Variants in RNF130 observed in about 807,000 individuals in gnomAD.
RNF130 encodes E3 ubiquitin-protein ligase RNF130.
A neutral mutation model predicts 44.6 loss-of-function variants in RNF130; 21 were observed. That is an observed-to-expected ratio of 0.47 (90% CI 0.33 to 0.68). The LOEUF (loss-of-function observed/expected upper bound fraction) is 0.68. Among genes scored for constraint, RNF130 ranks in the 30% least tolerant of loss-of-function variants. The pLI, the probability that RNF130 is intolerant of heterozygous loss-of-function variation, is 0.02. For missense variants in RNF130, 479 were observed against 560.6 expected, an observed-to-expected ratio of 0.85 and a Z score of 1.47; for synonymous variants, 214 against 210.4, an observed-to-expected ratio of 1.02 and a Z score of -0.15.
At chr5:180,054,506 T>C (rs935372474) in intron 1 of RNF130, among the ~76,000 whole-genome samples, 2 of 152,180 alleles carry the variant, frequency 1.3e-5, no homozygotes, top group African/African-American at 2.4e-5. Context: ...CTGAAAAGAC[T>C]ATTCTTTCCC....
intron 6 of RNF130, among the ~76,000 whole-genome samples, chr5:179,969,396 C>T (rs1159267107): frequency 1.3e-5 from 2 of 151,760 alleles, no homozygotes; most frequent in East Asian, 3.9e-4. Flanking sequence ...AAACTTCAGG[C>T]TAAAGAACAT....
At chr5:180,035,906 C>T (rs1017481969) in intron 2 of RNF130, among the ~76,000 whole-genome samples, 10 of 152,152 alleles carry the variant, frequency 6.6e-5, no homozygotes, top group African/African-American at 1.9e-4. Context: ...TGACTCATTG[C>T]TGCCATTCAT....
downstream of RNF130, among the ~76,000 whole-genome samples, chr5:179,951,028 A>G (rs758721939): frequency 5.9e-5 from 9 of 152,180 alleles, no homozygotes; most frequent in African/African-American, 9.7e-5. Flanking sequence ...TCCACTCTAG[A>G]AAATAAGGCC....
In RNF130 at chr5:180,040,614, C is replaced by G. The variant is rs916169285; in HGVS notation, c.281G>C (p.Arg94Pro). The G allele has an allele frequency of 1.9e-6, 3 of 1,614,000 alleles. No individual in the cohort carries two copies. Among genetic ancestry groups the G allele is most frequent in the Non-Finnish European group, 2.5e-6 (3 of 1,179,952 alleles). ...ADHLGCDPQT[R>P]FFVPPNIKQW... ...TTTGATATTAGGAGGGACAAAGAACCGGGTTTGTGGATCACAGCCCAGATG... is the reference window on the plus strand; with the variant it reads ...TTTGATATTAGGAGGGACAAAGAACGGGGTTTGTGGATCACAGCCCAGATG... Residue 94 changes from arginine to proline, a missense_variant, in exon 2 of 9, where the codon CGG becomes CCG. Physicochemically the swap from Arg to Pro is moderately radical, Grantham distance 103 (BLOSUM62 -2). This residue lies in a region of RNF130 where 180 missense variants were observed against 275.1 expected (regional missense o/e 0.65). Coordinates refer to ENST00000521389, the MANE Select transcript of RNF130 (RefSeq NM_018434.6).
rs1221573434 is a variant in RNF130 at position 180,071,721 on chromosome 5, C to A, written c.-19G>T. ...AGCTCATCGTCCCTCCGGCAGCCGC[C>A]GCTGCTCGCGGACCGGGCTCCGGGG... On this transcript the variant is annotated 5_prime_UTR_variant, in exon 1 of 9. Coordinates refer to ENST00000521389, the MANE Select transcript of RNF130 (RefSeq NM_018434.6). 8 of 1,240,386 alleles carry A rather than the reference C, an allele frequency of 6.4e-6. No individual in the cohort carries two copies. The highest frequency in any genetic ancestry group is 3.1e-5 in the South Asian group (1 of 32,144). The allele number at this position is 1,240,386 out of a possible 1,614,324, so 76.8% of individuals were successfully genotyped here. A position where few individuals can be genotyped will look rare whatever the true frequency, so the allele number is the denominator to read the frequency against.
chr5:179,979,987 G>T, intron 4 of RNF130, 142 bp downstream of exon 4: 1 of 618,358 alleles, frequency 1.6e-6, no homozygotes, highest in Non-Finnish European at 2.8e-6. Flanking sequence ...TAAGAAGGTA[G>T]TTTAAAATAA....
chr5:180,013,534 T>C (rs937006526), intron 2 of RNF130, among the ~76,000 whole-genome samples: 7 of 152,184 alleles, frequency 4.6e-5, no homozygotes, highest in Non-Finnish European at 7.3e-5. Context: ...ACATAAGGCA[T>C]AGAACGACTG....
intron 2 of RNF130, among the ~76,000 whole-genome samples, chr5:180,033,133 C>A (rs1190406782): frequency 6.6e-6 from 1 of 151,890 alleles, no homozygotes. Context: ...ACTGCTACAC[C>A]CGGCTACTTT....
chr5:180,056,652 T>G (rs1237621761), intron 1 of RNF130, among the ~76,000 whole-genome samples: 1 of 152,176 alleles, frequency 6.6e-6, no homozygotes, highest in Non-Finnish European at 1.5e-5. Flanking sequence ...AAGACAATTC[T>G]TCCTCTCTTA....
At chr5:180,004,882 G>C (rs1040500141) in intron 3 of RNF130, among the ~76,000 whole-genome samples, 1 of 152,140 alleles carries the variant, frequency 6.6e-6, no homozygotes, top group Non-Finnish European at 1.5e-5. Flanking sequence ...CCAATGCAAA[G>C]TGCCTTGTAG....
chr5:180,019,383 C>T (rs998122698), intron 2 of RNF130, among the ~76,000 whole-genome samples: 1 of 111,830 alleles, frequency 8.9e-6, no homozygotes, highest in Non-Finnish European at 2.0e-5. Flanking sequence ...GACTCTGTCT[C>T]AAAAAAAAAA....
In RNF130 at chr5:179,920,950, G is replaced by T. The variant is rs576865906; in HGVS notation, c.1151-524C>A. Among the ~76,000 whole-genome samples, 176 of 151,854 alleles carry T rather than the reference G, an allele frequency of 1.2e-3. 1 individual carries two copies. The highest frequency in any genetic ancestry group is 4.0e-3 in the African/African-American group (167 of 41,386). ...ACTGAATTCCCACTGTGGAAGATGA[G>T]GATTTTCTCCTAACCCCCGCACCCA... On this transcript the variant is annotated intron_variant, in intron 7 of 7. Coordinates refer to the RNF130 transcript ENST00000522208.
chr5:179,992,378 G>A lies in RNF130; in HGVS notation c.694-12178C>T, dbSNP rs548476691. Among the ~76,000 whole-genome samples, 16 of 152,258 alleles carry A rather than the reference G, an allele frequency of 1.1e-4. No individual in the cohort carries two copies. In the South Asian group the frequency reaches 1.9e-3, roughly 18 times the overall value. On this transcript the variant is annotated intron_variant, in intron 3 of 8. Transcript: ENST00000521389. ...GGATGAGTCTCGATCTCCTGACCTC[G>A]TGATCCACCCACCTCATCCTCCCAA...
chr5:180,071,632 G>A lies in RNF130; in HGVS notation c.71C>T (p.Pro24Leu). The part of the protein sequence containing the change: ...ALALLTCSLW[P>L]ARADNASQEY... ...CTGGCTCGCGTTGTCTGCCCGTGCC[G>A]GCCACAGGCTGCAGGTCAGCAGGGC... Residue 24 changes from proline (P) to leucine (L), a missense_variant, in exon 1 of 9, where the codon CCG becomes CTG. Around this residue, in one of 3 missense-constraint regions of RNF130, gnomAD observed 138 missense variants for 126.9 expected, o/e 1.09. Transcript: ENST00000521389. 9 of 1,499,260 alleles carry A rather than the reference G, an allele frequency of 6.0e-6. No homozygotes were observed. Among genetic ancestry groups the A allele is most frequent in the Non-Finnish European group, 8.0e-6 (9 of 1,123,620 alleles). 92.9% of individuals were successfully genotyped at this position (1,499,260 alleles called of 1,614,324 possible). A position where few individuals can be genotyped will look rare whatever the true frequency, so the allele number is the denominator to read the frequency against.
intron 3 of RNF130, among the ~76,000 whole-genome samples, chr5:179,989,128 G>C (rs1184895182): frequency 2.6e-5 from 4 of 152,214 alleles, no homozygotes; most frequent in African/African-American, 9.6e-5. Context: ...GGCAGCAGGA[G>C]AGAGAATGAG....
At chr5:179,930,948 A>G (rs1316888266) in intron 7 of RNF130, among the ~76,000 whole-genome samples, 1 of 150,398 alleles carries the variant, frequency 6.6e-6, no homozygotes, top group East Asian at 2.0e-4. Context: ...AGGCTGAGGC[A>G]TGAGAACCCA....
At chr5:179,953,150 A>G (rs898863522), downstream of RNF130, among the ~76,000 whole-genome samples, 6 of 152,222 alleles carry the variant, frequency 3.9e-5, no homozygotes, top group Non-Finnish European at 8.8e-5. Flanking sequence ...ATGTTGTAGG[A>G]TAAAAGATCA....
chr5:180,071,135 T>C (rs1765250460), intron 1 of RNF130, among the ~76,000 whole-genome samples: 3 of 152,340 alleles, frequency 2.0e-5, no homozygotes, highest in South Asian at 2.1e-4. Flanking sequence ...TGAAGTAGTT[T>C]TGCGCTCTTG....
intron 2 of RNF130, among the ~76,000 whole-genome samples, chr5:180,016,126 A>G (rs1333286352): frequency 6.6e-6 from 1 of 151,638 alleles, no homozygotes; most frequent in Non-Finnish European, 1.5e-5. Flanking sequence ...GCAGGAGGAC[A>G]GCAGAACGAA....
Sources: gnomAD v4.1 joint callset for allele counts (sites outside exome capture counted in the v4.1 genomes callset) on GRCh38, gnomAD v4.1.1 for gene constraint, gnomAD v4.1.1 regional missense constraint, MANE v1.5 for transcripts, NCBI Gene and HGNC (gene_info 2026-07-23, HGNC 2026-07-21) for gene names.